Variants in COLQ observed in about 807,000 individuals in gnomAD.
COLQ encodes the protein collagen like tail subunit of asymmetric acetylcholinesterase, also known as acetylcholinesterase collagenic tail peptide.
COLQ carries 48 observed loss-of-function variants against 69.0 expected under a neutral mutation model. The ratio of observed to expected loss-of-function variants is 0.70; its 90% CI spans 0.55 to 0.88. The LOEUF (loss-of-function observed/expected upper bound fraction) is 0.88, where lower values mean the gene tolerates loss of function less well. COLQ is among the 40% of genes least tolerant of loss of function. The pLI is 0.00. For missense variants in COLQ, 618 were observed against 594.6 expected, an observed-to-expected ratio of 1.04 and a Z score of -0.41; for synonymous variants, 217 against 211.2, an observed-to-expected ratio of 1.03 and a Z score of -0.24.
chr3:15,497,352 T>A (rs1047931157), intron 1 of COLQ, among the ~76,000 whole-genome samples: 1 of 152,132 alleles, frequency 6.6e-6, no homozygotes, highest in Admixed American at 6.6e-5. Flanking sequence ...CCTCCTTTAG[T>A]CCCTTTTTAA....
rs1335456713 is a variant in COLQ, at chr3:15,493,872, T to C, written c.107-4235A>G. 2.6e-5 allele frequency among the ~76,000 whole-genome samples: 4 copies of C among 152,294 alleles called. No individual in the cohort carries two copies. In the East Asian group the frequency reaches 7.7e-4, roughly 29 times the overall value. On this transcript the variant is annotated intron_variant, in intron 1 of 16. Coordinates refer to ENST00000383788, the MANE Select transcript of COLQ (RefSeq NM_005677.4). Reference sequence around the variant, plus strand: ...GCTGAGGTGGGCAGATCACTTGAGGTCAGGAGTTCAAGACCAGCCTGACCA... The same window carrying C: ...GCTGAGGTGGGCAGATCACTTGAGGCCAGGAGTTCAAGACCAGCCTGACCA...
At chr3:15,467,468 G>A (rs1374653738) in intron 11 of COLQ, among the ~76,000 whole-genome samples, 2 of 152,222 alleles carry the variant, frequency 1.3e-5, no homozygotes. Context: ...TCTGTTTCAC[G>A]TAGTTAAGTC....
At position 15,450,523 on chromosome 3, in the gene COLQ, G is replaced by C. The variant is rs1475981583; in HGVS notation, c.*1121C>G. The C allele has an allele frequency of 1.3e-5, 2 of 153,774 alleles. No individual in the cohort carries two copies. The highest frequency in any genetic ancestry group is 3.8e-4 in the East Asian group (2 of 5,200). The allele number at this position is 153,774 out of a possible 1,614,324, so 9.5% of individuals were successfully genotyped here. On this transcript the variant is annotated 3_prime_UTR_variant, in exon 17 of 17. Transcript: ENST00000383788. ...CCAGAATAAAACTAAGCCCTACTCAGGAAAAATGGTGATGAAAGGCAGCTC... is the reference window on the plus strand; with the variant it reads ...CCAGAATAAAACTAAGCCCTACTCACGAAAAATGGTGATGAAAGGCAGCTC...
intron 6 of COLQ, 41 bp downstream of exon 6, chr3:15,477,085 G>T (rs369641142): frequency 1.7e-5 from 26 of 1,558,276 alleles, no homozygotes; most frequent in Non-Finnish European, 1.9e-5. Flanking sequence ...CCCCCCTCTT[G>T]TTTTGACACC....
chr3:15,477,117 C>T lies in COLQ; in HGVS notation c.465+9G>A. ...CACCGCATGAGCCCTGAGAGCATGC[C>T]ACACTTACCCTGGGTCCTTCAGGGC... On this transcript the variant is annotated intron_variant, in intron 6 of 16. Transcript: ENST00000383788. The T allele has an allele frequency of 6.3e-7, 1 of 1,597,692 alleles. No individual in the cohort carries two copies. The highest frequency in any genetic ancestry group is 8.5e-7 in the Non-Finnish European group (1 of 1,172,386).
intron 13 of COLQ, 128 bp downstream of exon 13, chr3:15,458,057 TA>T: frequency 1.0e-6 from 1 of 973,372 alleles, no homozygotes; most frequent in Non-Finnish European, 1.6e-6. Flanking sequence ...TCCAATTTCC[TA>T]TAATGAGGGT....
chr3:15,459,841 A>G (rs2062081775), intron 12 of COLQ, among the ~76,000 whole-genome samples: 1 of 151,970 alleles, frequency 6.6e-6, no homozygotes. Context: ...ACATGTGCAC[A>G]ATGTGCAGGT....
Position 15,451,594 on chromosome 3 carries a change from G to A in COLQ, c.*50C>T. ...ACATGGCCAGTTTGATGACAGTGGA[G>A]AAGCTGCTGCCAGTTCTGTGGGGCG... On this transcript the variant is annotated 3_prime_UTR_variant, in exon 17 of 17. Coordinates refer to ENST00000383788, the MANE Select transcript of COLQ (RefSeq NM_005677.4). 6.4e-7 allele frequency: 1 copy of A among 1,553,504 alleles called. No individual in the cohort carries two copies. Among genetic ancestry groups the A allele is most frequent in the South Asian group, 1.1e-5 (1 of 89,856 alleles).
At chr3:15,504,226 G>T (rs907575453) in intron 1 of COLQ, among the ~76,000 whole-genome samples, 2 of 152,190 alleles carry the variant, frequency 1.3e-5, no homozygotes, top group African/African-American at 2.4e-5. Context: ...GTGCAGAATC[G>T]CTGCGGTTCG....
chr3:15,456,625 G>C, intron 13 of COLQ, 46 bp from the exon 14 acceptor site: 1 of 1,610,032 alleles, frequency 6.2e-7, no homozygotes, highest in Non-Finnish European at 8.5e-7. Context: ...CACTTCTGCA[G>C]GGGGCAGGAA....
rs115227968 is a variant in COLQ, at chr3:15,518,861, T to G, written c.106+2659A>C. Among the ~76,000 whole-genome samples, 1,182 of 152,326 alleles carry G rather than the reference T, an allele frequency of 7.8e-3. 14 individuals carry two copies. Among genetic ancestry groups the G allele is most frequent in the African/African-American group, 0.027 (1,112 of 41,564 alleles). On this transcript the variant is annotated intron_variant, in intron 1 of 16. Transcript: ENST00000383788. ...ACACATTAGAGTGCCAGGCACACAG[T>G]AGGCACTCACTAAGTTATAATGCAT...
chr3:15,498,845 A>G, intron 1 of COLQ: 1 of 1,417,858 alleles, frequency 7.1e-7, no homozygotes, highest in South Asian at 1.5e-5. Flanking sequence ...TTGGAGGACA[A>G]GAGTGCCTTC....
intron 3 of COLQ, among the ~76,000 whole-genome samples, chr3:15,484,874 C>A (rs943520901): frequency 6.6e-6 from 1 of 152,182 alleles, no homozygotes; most frequent in Non-Finnish European, 1.5e-5. Context: ...TATTACCGAT[C>A]GTCTGAAGCC....
intron 12 of COLQ, among the ~76,000 whole-genome samples, chr3:15,461,235 T>G (rs2062108212): frequency 6.7e-6 from 1 of 148,442 alleles, no homozygotes; most frequent in Admixed American, 6.8e-5. Context: ...CTCAGATAAG[T>G]ACAAAGCTCT....
intron 3 of COLQ, 75 bp downstream of exon 3, chr3:15,488,131 C>T: frequency 9.3e-7 from 1 of 1,074,334 alleles, no homozygotes; most frequent in Non-Finnish European, 1.4e-6. Flanking sequence ...AGAGCAGACA[C>T]TAAGAGGCTC....
chr3:15,484,422 T>C (rs528039503), intron 3 of COLQ, among the ~76,000 whole-genome samples: 1 of 152,144 alleles, frequency 6.6e-6, no homozygotes, highest in East Asian at 1.9e-4. Flanking sequence ...AGGAGTATCT[T>C]TGTGGCGTTC....
At chr3:15,489,397 G>T in intron 2 of COLQ, 128 bp downstream of exon 2, 1 of 833,094 alleles carries the variant, frequency 1.2e-6, no homozygotes, top group Non-Finnish European at 2.0e-6. Flanking sequence ...GGGTGACAGT[G>T]GAGGGTTGAG....
intron 1 of COLQ, among the ~76,000 whole-genome samples, chr3:15,491,290 G>A (rs1433238507): frequency 6.6e-6 from 1 of 152,162 alleles, no homozygotes. Flanking sequence ...TGGTTTTTCA[G>A]TTCTCAGTTT....
intron 1 of COLQ, among the ~76,000 whole-genome samples, chr3:15,515,523 A>G (rs2063048332): frequency 6.6e-6 from 1 of 152,198 alleles, no homozygotes; most frequent in African/African-American, 2.4e-5. Flanking sequence ...TTTAAAGAAG[A>G]TGGGGACCAG....
Sources: gnomAD v4.1 joint callset for allele counts (sites outside exome capture counted in the v4.1 genomes callset) on GRCh38, gnomAD v4.1.1 for gene constraint, MANE v1.5 for transcripts, NCBI Gene and HGNC (gene_info 2026-07-23, HGNC 2026-07-21) for gene names.